GRID2: variants seen among roughly 807,000 people sequenced by gnomAD.
GRID2 encodes glutamate receptor ionotropic, delta-2.
GRID2 carries 33 observed loss-of-function variants against 114.8 expected under a neutral mutation model. The ratio of observed to expected loss-of-function variants is 0.29; its 90% confidence interval spans 0.22 to 0.38. The LOEUF (loss-of-function observed/expected upper bound fraction) is 0.38, where lower values mean the gene tolerates loss of function less well. Among genes scored for constraint, GRID2 ranks in the 10% least tolerant of loss-of-function variants. The probability of loss-of-function intolerance (pLI) is 1.00; values close to 1 mark genes in which losing one functional copy is unlikely to be tolerated. For missense variants in GRID2, 1,184 were observed against 1,257.7 expected, an observed-to-expected ratio of 0.94 and a Z score of 0.89; for synonymous variants, 505 against 449.9, an observed-to-expected ratio of 1.12 and a Z score of -1.55.
intron 2 of GRID2, among the ~76,000 whole-genome samples, chr4:93,023,429 G>T (rs1347448652): frequency 1.3e-5 from 2 of 151,864 alleles, no homozygotes; most frequent in African/African-American, 4.8e-5. Flanking sequence ...GTGTAACTTT[G>T]TTTAATCACA....
At chr4:93,785,885 G>A (rs1734581225) in intron 1 of GRID2, among the ~76,000 whole-genome samples, 1 of 152,278 alleles carries the variant, frequency 6.6e-6, no homozygotes, top group South Asian at 2.1e-4. Context: ...TAGTGGGAAT[G>A]GGGTCTGGGT....
intron 1 of GRID2, among the ~76,000 whole-genome samples, chr4:92,542,067 G>A (rs1725993571): frequency 6.6e-6 from 1 of 152,020 alleles, no homozygotes; most frequent in South Asian, 2.1e-4. Context: ...AATAACTGTG[G>A]TTCTTAGGTC....
intron 1 of GRID2, among the ~76,000 whole-genome samples, chr4:92,475,561 T>G (rs2149099557): frequency 6.6e-6 from 1 of 152,162 alleles, no homozygotes; most frequent in East Asian, 1.9e-4. Context: ...ACCATGTTGC[T>G]TTGGTTACTA....
chr4:92,797,561 A>T (rs1739948075), intron 2 of GRID2, among the ~76,000 whole-genome samples: 2 of 152,032 alleles, frequency 1.3e-5, no homozygotes, highest in South Asian at 4.1e-4. Flanking sequence ...AACTCTTTCA[A>T]TAGATTTGCA....
intron 13 of GRID2, among the ~76,000 whole-genome samples, chr4:93,555,536 C>T (rs969648821): frequency 6.6e-6 from 1 of 152,220 alleles, no homozygotes; most frequent in Non-Finnish European, 1.5e-5. Flanking sequence ...CTCAAAGGTG[C>T]TATAGCCAGA....
At chr4:92,873,198 G>A (rs1355278336) in intron 2 of GRID2, among the ~76,000 whole-genome samples, 1 of 152,016 alleles carries the variant, frequency 6.6e-6, no homozygotes, top group East Asian at 1.9e-4. Context: ...ATATCAGTCT[G>A]TAATCATTTA....
chr4:92,944,514 A>G (rs1055666510), intron 2 of GRID2, among the ~76,000 whole-genome samples: 5 of 152,128 alleles, frequency 3.3e-5, no homozygotes, highest in African/African-American at 4.8e-5. Flanking sequence ...CTGACCCCTT[A>G]CACTTCCCGG....
At chr4:92,565,761 A>G (rs1439397480) in intron 1 of GRID2, among the ~76,000 whole-genome samples, 1 of 152,044 alleles carries the variant, frequency 6.6e-6, no homozygotes, top group African/African-American at 2.4e-5. Context: ...TAAGCCCAGT[A>G]CTAGTTGCTC....
chr4:92,343,886 T>G (rs1727636142), intron 1 of GRID2, among the ~76,000 whole-genome samples: 1 of 152,238 alleles, frequency 6.6e-6, no homozygotes, highest in Admixed American at 6.5e-5. Flanking sequence ...ATATGTATTA[T>G]ATACTGTTTC....
chr4:92,647,635 G>A (rs1360984140), intron 2 of GRID2, among the ~76,000 whole-genome samples: 1 of 149,364 alleles, frequency 6.7e-6, no homozygotes, highest in Non-Finnish European at 1.5e-5. Context: ...AATTTCTATA[G>A]CATACCAACA....
chr4:93,107,071 A>G (rs1732307465), intron 3 of GRID2, among the ~76,000 whole-genome samples: 2 of 152,112 alleles, frequency 1.3e-5, no homozygotes, highest in African/African-American at 2.4e-5. Context: ...AGGCCGAGGC[A>G]GGTGGATCGC....
chr4:92,448,742 G>A (rs1733600366), intron 1 of GRID2, among the ~76,000 whole-genome samples: 1 of 151,904 alleles, frequency 6.6e-6, no homozygotes, highest in African/African-American at 2.4e-5. Flanking sequence ...TCAAATAAAT[G>A]AGGTAAAAAT....
chr4:92,892,608 C>T (rs1452222435), intron 2 of GRID2, among the ~76,000 whole-genome samples: 3 of 152,120 alleles, frequency 2.0e-5, no homozygotes, highest in Non-Finnish European at 4.4e-5. Flanking sequence ...GATTAGGCCA[C>T]AAATATTAGC....
intron 4 of GRID2, among the ~76,000 whole-genome samples, chr4:93,138,023 A>G: frequency 8.4e-6 from 1 of 119,454 alleles, no homozygotes; most frequent in African/African-American, 3.2e-5. Context: ...CCCGGGATGG[A>G]GTGCAGTGGT....
intron 13 of GRID2, among the ~76,000 whole-genome samples, chr4:93,537,829 ACAC>A (rs1314615618): frequency 6.6e-6 from 1 of 151,626 alleles, no homozygotes; most frequent in African/African-American, 2.4e-5. Flanking sequence ...CCCCTTTGTT[ACAC>A]CCCTTTACTT....
chr4:92,339,249 A>G (rs1220235940), intron 1 of GRID2, among the ~76,000 whole-genome samples: 1 of 152,112 alleles, frequency 6.6e-6, no homozygotes, highest in Non-Finnish European at 1.5e-5. Flanking sequence ...CGGAAAGCTG[A>G]TCCATTATGC....
intron 1 of GRID2, among the ~76,000 whole-genome samples, chr4:93,790,191 G>A (rs1734669676): frequency 6.6e-6 from 1 of 151,664 alleles, no homozygotes; most frequent in Admixed American, 6.6e-5. Flanking sequence ...AAAGCCTGGG[G>A]ACCACTGCCC....
rs547460375 is a variant in GRID2 at position 93,293,282 on chromosome 4, G to A, written c.1245+54792G>A. 3.3e-5 allele frequency among the ~76,000 whole-genome samples: 5 copies of A among 152,236 alleles called. No homozygotes were observed. The South Asian group carries it at 1.0e-3, about 32-fold the overall frequency. On this transcript the variant is annotated intron_variant, in intron 8 of 15. Coordinates refer to ENST00000282020, the MANE Select transcript of GRID2 (RefSeq NM_001510.4). Reference sequence around the variant, plus strand: ...AGTCACAGGAGCATTTATGTGGCTGGACAGCTATCTACATCCGCTCCCATA... The same window carrying A: ...AGTCACAGGAGCATTTATGTGGCTGAACAGCTATCTACATCCGCTCCCATA...
chr4:92,523,924 T>C (rs960338396), intron 1 of GRID2, among the ~76,000 whole-genome samples: 6 of 151,942 alleles, frequency 3.9e-5, no homozygotes, highest in African/African-American at 1.4e-4. Flanking sequence ...GTCTCCCTCA[T>C]TACTGGGAGG....
Sources: gnomAD v4.1 joint callset for allele counts (sites outside exome capture counted in the v4.1 genomes callset) on GRCh38, gnomAD v4.1.1 for gene constraint, MANE v1.5 for transcripts, NCBI Gene and HGNC (gene_info 2026-07-23, HGNC 2026-07-21) for gene names.